Variants in RBMS3 observed in about 807,000 individuals in gnomAD.
RBMS3 encodes the protein RNA binding motif single stranded interacting protein 3, also known as RNA-binding motif, single-stranded-interacting protein 3.
Under a neutral mutation model 66.8 loss-of-function variants are expected in RBMS3, and 27 were observed. The observed-to-expected ratio is 0.40, with a 90% CI of 0.30 to 0.56. The LOEUF (loss-of-function observed/expected upper bound fraction) is 0.56, where lower values mean the gene tolerates loss of function less well. Among genes scored for constraint, RBMS3 ranks in the 20% least tolerant of loss-of-function variants. RBMS3 has a pLI of 0.40. For missense variants in RBMS3, 513 were observed against 549.5 expected, an observed-to-expected ratio of 0.93 and a Z score of 0.66; for synonymous variants, 188 against 183.0, an observed-to-expected ratio of 1.03 and a Z score of -0.22.
chr3:29,598,484 A>G (rs930761013), intron 4 of RBMS3, among the ~76,000 whole-genome samples: 1 of 152,078 alleles, frequency 6.6e-6, no homozygotes, highest in Non-Finnish European at 1.5e-5. Flanking sequence ...GAGATTCTTA[A>G]TATCTCTTTA....
At chr3:29,962,481 G>C (rs1364436519) in intron 12 of RBMS3, among the ~76,000 whole-genome samples, 1 of 150,392 alleles carries the variant, frequency 6.6e-6, no homozygotes, top group East Asian at 2.0e-4. Flanking sequence ...TGAAATCCTA[G>C]TGTTTCTACA....
At chr3:29,323,691 T>TACACACACACATAC (rs34421513) in intron 1 of RBMS3, among the ~76,000 whole-genome samples, 1 of 144,270 alleles carries the variant, frequency 6.9e-6, no homozygotes, top group South Asian at 2.2e-4. Context: ...CACACACACA[T>TACACACACACATAC]ACACACACAC....
chr3:29,840,825 A>G (rs576398785), intron 6 of RBMS3, among the ~76,000 whole-genome samples: 2 of 152,068 alleles, frequency 1.3e-5, no homozygotes, highest in South Asian at 4.1e-4. Context: ...GAATGTCCCT[A>G]TAAAATATAT....
At chr3:29,574,778 A>G (rs901695726) in intron 3 of RBMS3, among the ~76,000 whole-genome samples, 1 of 151,712 alleles carries the variant, frequency 6.6e-6, no homozygotes, top group Non-Finnish European at 1.5e-5. Context: ...ATACTATCTT[A>G]TAACCTGTTA....
At chr3:29,346,956 A>G (rs2036612280) in intron 1 of RBMS3, among the ~76,000 whole-genome samples, 1 of 152,212 alleles carries the variant, frequency 6.6e-6, no homozygotes, top group Non-Finnish European at 1.5e-5. Flanking sequence ...GTTTCTAACT[A>G]AAAGCACTAT....
At chr3:29,584,686 T>C (rs1023890666) in intron 3 of RBMS3, among the ~76,000 whole-genome samples, 3 of 152,166 alleles carry the variant, frequency 2.0e-5, no homozygotes, top group Non-Finnish European at 4.4e-5. Flanking sequence ...GTGGTAATCC[T>C]TGTCTATGTC....
chr3:29,552,303 C>CT (rs1229047517), intron 3 of RBMS3, among the ~76,000 whole-genome samples: 1 of 152,120 alleles, frequency 6.6e-6, no homozygotes, highest in Non-Finnish European at 1.5e-5. Flanking sequence ...ATTCCAGAGT[C>CT]TCGGGAGATT....
At chr3:29,943,000 G>C (rs1343405608) in intron 11 of RBMS3, among the ~76,000 whole-genome samples, 1 of 151,670 alleles carries the variant, frequency 6.6e-6, no homozygotes. Flanking sequence ...CATGTGTCTG[G>C]TTTATTTGCA....
chr3:29,988,733 G>GGTCAAACA (rs558430934), intron 13 of RBMS3, among the ~76,000 whole-genome samples: 1 of 151,926 alleles, frequency 6.6e-6, no homozygotes, highest in Admixed American at 6.6e-5. Context: ...GACCAGCCTG[G>GGTCAAACA]GTCAAACAGT....
Position 29,833,268 on chromosome 3 carries a change from G to A in RBMS3, c.638-35590G>A, listed in dbSNP as rs529373653. On this transcript the variant is annotated intron_variant, in intron 6 of 14. Transcript: ENST00000383767. ...ACTTCAAAGAACATTAAATAATCAA[G>A]AAATATGATACCATCAAAGGAGTAC... Among the ~76,000 whole-genome samples the A allele has an allele frequency of 3.9e-5, 6 of 152,204 alleles. No homozygotes were observed. The South Asian group carries it at 1.2e-3, about 32-fold the overall frequency.
intron 3 of RBMS3, among the ~76,000 whole-genome samples, chr3:29,492,272 T>C (rs1368543742): frequency 6.6e-6 from 1 of 152,048 alleles, no homozygotes; most frequent in Non-Finnish European, 1.5e-5. Flanking sequence ...GATATGCCGA[T>C]GTATATTAGA....
chr3:29,375,759 T>C (rs954030686), intron 1 of RBMS3, among the ~76,000 whole-genome samples: 1 of 152,148 alleles, frequency 6.6e-6, no homozygotes, highest in African/African-American at 2.4e-5. Context: ...GGTGAAAGTG[T>C]AAATTAGTTC....
chr3:29,712,956 C>G (rs4680727), intron 4 of RBMS3, among the ~76,000 whole-genome samples: 4,480 of 151,866 alleles, frequency 0.029, 128 homozygotes, highest in African/African-American at 0.069. Context: ...TATAATAAAT[C>G]CCATTTCTTT....
chr3:29,286,228 A>G (rs1392159322), intron 1 of RBMS3, among the ~76,000 whole-genome samples: 1 of 152,102 alleles, frequency 6.6e-6, no homozygotes, highest in Non-Finnish European at 1.5e-5. Context: ...TTTAGACTGT[A>G]TAGAATTTTT....
chr3:29,381,143 T>A (rs766509163), intron 1 of RBMS3, among the ~76,000 whole-genome samples: 6 of 152,132 alleles, frequency 3.9e-5, no homozygotes, highest in Non-Finnish European at 7.4e-5. Context: ...GAGAGAAAGA[T>A]CCAGAAAGGG....
At chr3:29,940,171 G>A (rs2061356362) in intron 11 of RBMS3, among the ~76,000 whole-genome samples, 1 of 151,790 alleles carries the variant, frequency 6.6e-6, no homozygotes, top group Non-Finnish European at 1.5e-5. Flanking sequence ...TCTGCCCTGG[G>A]ACTCATTTGA....
chr3:29,826,767 G>C (rs1045650101), intron 6 of RBMS3, among the ~76,000 whole-genome samples: 1 of 151,964 alleles, frequency 6.6e-6, no homozygotes, highest in Non-Finnish European at 1.5e-5. Context: ...TGCCCATTTT[G>C]GTGGCTTACT....
intron 13 of RBMS3, among the ~76,000 whole-genome samples, chr3:29,988,759 TGTCAGAAGGAAG>T (rs1698611076): frequency 6.6e-6 from 1 of 152,046 alleles, no homozygotes; most frequent in African/African-American, 2.4e-5. Context: ...AGTGAGACCC[TGTCAGAAGGAAG>T]ATCAGAAGGA....
intron 7 of RBMS3, among the ~76,000 whole-genome samples, chr3:29,871,296 C>G (rs377767171): frequency 2.0e-5 from 3 of 152,088 alleles, no homozygotes; most frequent in African/African-American, 7.2e-5. Flanking sequence ...CCTACATTGT[C>G]GGGTTAAGGT....
Sources: gnomAD v4.1 joint callset for allele counts (sites outside exome capture counted in the v4.1 genomes callset) on GRCh38, gnomAD v4.1.1 for gene constraint, MANE v1.5 for transcripts, NCBI Gene and HGNC (gene_info 2026-07-23, HGNC 2026-07-21) for gene names.